The following KCNH1 variants were observed in gnomAD, a reference collection of about 807,000 sequenced individuals.
The protein encoded by KCNH1 is voltage-gated delayed rectifier potassium channel KCNH1.
Under a neutral mutation model 69.2 loss-of-function variants are expected in KCNH1, and 27 were observed. The ratio of observed to expected loss-of-function variants is 0.39; its 90% CI spans 0.29 to 0.54. The LOEUF (loss-of-function observed/expected upper bound fraction) is 0.54. Among genes scored for constraint, KCNH1 ranks in the 20% least tolerant of loss-of-function variants. The pLI is 0.68. For missense variants in KCNH1, 798 were observed against 1,261.6 expected (o/e 0.63, Z 5.57); for synonymous variants, 456 against 487.7 (o/e 0.93, Z 0.86).
intron 10 of KCNH1, among the ~76,000 whole-genome samples, chr1:210,722,104 G>A (rs1682482910): frequency 6.6e-6 from 1 of 152,124 alleles, no homozygotes. Flanking sequence ...CCTCACAAGG[G>A]ATCATGAGCT....
At position 210,855,610 on chromosome 1, in the gene KCNH1, G is replaced by A. The variant is rs533794601; in HGVS notation, c.1463-51444C>T. Reference sequence around the variant, plus strand: ...GAGAATATAGACTGAGCCAGAGAGCGTAAAGCTGCTCTGCTAGCACCGTGG... The same window carrying A: ...GAGAATATAGACTGAGCCAGAGAGCATAAAGCTGCTCTGCTAGCACCGTGG... On this transcript the variant is annotated intron_variant, in intron 7 of 10. Coordinates refer to ENST00000271751, the MANE Select transcript of KCNH1 (RefSeq NM_172362.3). Among the ~76,000 whole-genome samples, 33 of 152,326 alleles carry A rather than the reference G, an allele frequency of 2.2e-4. 1 individual carries two copies. In the South Asian group the frequency reaches 4.3e-3, roughly 20 times the overall value.
rs74797424 is a variant in KCNH1 at position 211,127,702 on chromosome 1, A to G, written c.79+6165T>C. ...CAACATCACTACTAAAGACAAAAGA[A>G]GAAAATACCAAATGCTGGCAAGGAT... On this transcript the variant is annotated intron_variant, in intron 1 of 10. Transcript: ENST00000271751. Among the ~76,000 whole-genome samples the G allele has an allele frequency of 7.7e-3, 1,171 of 152,308 alleles. 14 individuals are homozygous for G. The highest frequency in any genetic ancestry group is 0.027 in the African/African-American group (1,122 of 41,556).
chr1:210,825,171 A>G (rs1165994649), intron 7 of KCNH1, among the ~76,000 whole-genome samples: 2 of 152,204 alleles, frequency 1.3e-5, no homozygotes, highest in Admixed American at 6.6e-5. Context: ...GAATAACCAT[A>G]GTTTGAGAGC....
intron 5 of KCNH1, among the ~76,000 whole-genome samples, chr1:211,080,004 A>C (rs1690820831): frequency 6.6e-6 from 1 of 152,240 alleles, no homozygotes; most frequent in Admixed American, 6.5e-5. Flanking sequence ...AAGGTATTTA[A>C]TTAGGAAAAG....
At chr1:210,711,484 G>A (rs1315282581) in intron 10 of KCNH1, among the ~76,000 whole-genome samples, 1 of 152,130 alleles carries the variant, frequency 6.6e-6, no homozygotes, top group African/African-American at 2.4e-5. Flanking sequence ...GCTCCTCAGA[G>A]ATGCCAGCCT....
In KCNH1 at chr1:211,047,485, A is replaced by T. The variant is rs368504435; in HGVS notation, c.559-28229T>A. ...GGGCTAAAAACACAGTAAGTTCATC[A>T]AGGTGCGGCTTTTGAAAGCCGAACC... On this transcript the variant is annotated intron_variant, in intron 5 of 10. Coordinates refer to ENST00000271751, the MANE Select transcript of KCNH1 (RefSeq NM_172362.3). Among the ~76,000 whole-genome samples the T allele has an allele frequency of 3.4e-4, 52 of 152,296 alleles. 1 individual carries two copies. In the South Asian group the frequency reaches 0.01, roughly 30 times the overall value.
chr1:210,853,946 C>CAAAAAAAAAAAAAAAAAAAAAAAAAAA (rs11445997), intron 7 of KCNH1, among the ~76,000 whole-genome samples: 7 of 61,532 alleles, frequency 1.1e-4, no homozygotes, highest in African/African-American at 3.0e-4. Context: ...TTATCTAAGC[C>CAAAAAAAAAAAAAAAAAAAAAAAAAAA]AAAAAAAAAA....
chr1:210,953,739 T>C (rs996795696), intron 6 of KCNH1, among the ~76,000 whole-genome samples: 10 of 152,134 alleles, frequency 6.6e-5, no homozygotes, highest in African/African-American at 2.4e-4. Flanking sequence ...TCACACCCCC[T>C]GGGATGGCAT....
chr1:211,047,109 G>A (rs1690105935), intron 5 of KCNH1, among the ~76,000 whole-genome samples: 1 of 152,118 alleles, frequency 6.6e-6, no homozygotes, highest in Non-Finnish European at 1.5e-5. Flanking sequence ...TACTGAGTTT[G>A]AAATCTGATA....
At chr1:210,831,375 C>A (rs1008350514) in intron 7 of KCNH1, among the ~76,000 whole-genome samples, 2 of 152,170 alleles carry the variant, frequency 1.3e-5, no homozygotes, top group African/African-American at 4.8e-5. Context: ...GGCATAATTT[C>A]ATTGAAAGCT....
At chr1:211,127,405 T>G (rs1473748437) in intron 1 of KCNH1, among the ~76,000 whole-genome samples, 1 of 128,906 alleles carries the variant, frequency 7.8e-6, no homozygotes, top group Non-Finnish European at 1.6e-5. Flanking sequence ...AGAAAATGAA[T>G]ATCCTAAACA....
At chr1:210,922,741 T>C (rs546564774) in intron 6 of KCNH1, among the ~76,000 whole-genome samples, 48 of 152,336 alleles carry the variant, frequency 3.2e-4, no homozygotes, top group African/African-American at 1.1e-3. Context: ...GGCATTTACA[T>C]TCTAACAGAG....
intron 1 of KCNH1, among the ~76,000 whole-genome samples, chr1:211,116,601 A>G (rs1417648131): frequency 4.6e-5 from 7 of 152,184 alleles, no homozygotes; most frequent in Non-Finnish European, 1.0e-4. Context: ...TTTTACCTTC[A>G]TAATCAGACG....
intron 1 of KCNH1, among the ~76,000 whole-genome samples, chr1:211,109,652 G>C (rs1691421935): frequency 6.6e-6 from 1 of 152,000 alleles, no homozygotes; most frequent in Non-Finnish European, 1.5e-5. Context: ...TAGATAATGA[G>C]TTGACCACAT....
rs565619984 is a variant in KCNH1, at chr1:211,050,380, G to A, written c.559-31124C>T. 5.4e-5 allele frequency among the ~76,000 whole-genome samples: 8 copies of A among 148,998 alleles called. No individual in the cohort carries two copies. The East Asian group carries it at 5.9e-4, about 11-fold the overall frequency. ...TTTCAGACATCCCTAGCTAAACAAC[G>A]TCTTAATTCCCGTCATAAACACCCT... On this transcript the variant is annotated intron_variant, in intron 5 of 10. Transcript: ENST00000271751.
intron 10 of KCNH1, among the ~76,000 whole-genome samples, chr1:210,689,000 G>A (rs1489578203): frequency 6.6e-6 from 1 of 152,206 alleles, no homozygotes; most frequent in Non-Finnish European, 1.5e-5. Context: ...AGCCTGACAT[G>A]TTGCTCAGAA....
At chr1:211,000,744 G>A (rs571917505) in intron 6 of KCNH1, among the ~76,000 whole-genome samples, 1 of 152,136 alleles carries the variant, frequency 6.6e-6, no homozygotes, top group Admixed American at 6.5e-5. Flanking sequence ...GAGGCATCAC[G>A]CTACCTGACT....
chr1:210,966,621 C>T (rs564394329), intron 6 of KCNH1, among the ~76,000 whole-genome samples: 1 of 152,280 alleles, frequency 6.6e-6, no homozygotes, highest in African/African-American at 2.4e-5. Flanking sequence ...TGAAAAAATG[C>T]TCATCATCAC....
Position 210,740,518 on chromosome 1 carries a change from A to G in KCNH1, c.2112+34830T>C, listed in dbSNP as rs150094643. 2.0e-3 allele frequency among the ~76,000 whole-genome samples: 300 copies of G among 152,038 alleles called. 1 individual carries two copies. Among genetic ancestry groups the G allele is most frequent in the African/African-American group, 6.5e-3 (269 of 41,470 alleles). On this transcript the variant is annotated intron_variant, in intron 10 of 10. Coordinates refer to ENST00000271751, the MANE Select transcript of KCNH1 (RefSeq NM_172362.3). Reference sequence around the variant, plus strand: ...CTTTTATTCCTAGATTCTCAGTCTTATACTCTGCCAGAAGCTGGTCTCTTC... The same window carrying G: ...CTTTTATTCCTAGATTCTCAGTCTTGTACTCTGCCAGAAGCTGGTCTCTTC...
Sources: allele counts gnomAD v4.1 joint callset (sites outside exome capture counted in the v4.1 genomes callset), GRCh38; gene constraint gnomAD v4.1.1; transcripts MANE v1.5; gene names NCBI Gene and HGNC (gene_info 2026-07-23, HGNC 2026-07-21).